The following ABCC2 variants were observed in gnomAD, a reference collection of about 807,000 sequenced individuals.
ABCC2 encodes the protein ATP-binding cassette sub-family C member 2.
ABCC2 carries 157 observed loss-of-function variants against 173.4 expected under a neutral mutation model. The observed-to-expected ratio is 0.91, with a 90% CI of 0.80 to 1.03. The LOEUF is 1.03. Among genes scored for constraint, ABCC2 ranks in the 50% least tolerant of loss-of-function variants. The pLI is 0.00. For synonymous variants in ABCC2, 657 were observed against 693.5 expected (o/e 0.95, Z 0.83); for missense variants, 1,822 against 1,852.3 (o/e 0.98, Z 0.30).
At chr10:99,803,658 G>T (rs2038048085) in intron 9 of ABCC2, among the ~76,000 whole-genome samples, 1 of 152,018 alleles carries the variant, frequency 6.6e-6, no homozygotes, top group East Asian at 1.9e-4. Context: ...AATGACAAAG[G>T]TAAGCTCAGG....
chr10:99,793,663 C>T lies in ABCC2; in HGVS notation c.446C>T (p.Thr149Ile), dbSNP rs765756613. The T allele has an allele frequency of 1.2e-6, 2 of 1,614,090 alleles. No homozygotes were observed. Among genetic ancestry groups the T allele is most frequent in the South Asian group, 2.2e-5 (2 of 91,070 alleles). ...CTCTGTGGCACTTTCCAATTTCAGA[C>T]TCTGATCCGGACACTCTTACAGGTA... Reference protein sequence around the residue: ...SILCGTFQFQTLIRTLLQGDN... With the variant: ...SILCGTFQFQILIRTLLQGDN... The change falls in exon 4 of 32, where the codon ACT becomes ATT. Residue 149 changes from threonine (T) to isoleucine (I), a missense_variant. Transcript: ENST00000647814.
chr10:99,850,704 C>A lies in ABCC2; in HGVS notation c.4416C>A (p.Asp1472Glu). The A allele has an allele frequency of 6.2e-7, 1 of 1,614,202 alleles. No homozygotes were observed. Among genetic ancestry groups the A allele is most frequent in the African/African-American group, 1.3e-5 (1 of 75,044 alleles). ...EATAAVDLET[D>E]NLIQTTIQNE... Reference sequence around the variant, plus strand: ...CTGCTGCGGTGGATCTAGAGACAGACAACCTCATTCAGACGACCATCCAAA... The same window carrying A: ...CTGCTGCGGTGGATCTAGAGACAGAAAACCTCATTCAGACGACCATCCAAA... The change falls in exon 31 of 32, where the codon GAC becomes GAA. Residue 1472 changes from aspartate to glutamate, a missense_variant. Physicochemically the swap from Asp to Glu is conservative, Grantham distance 45 (BLOSUM62 2). Transcript: ENST00000647814.
chr10:99,836,417 A>C (rs2038825604), intron 25 of ABCC2, 127 bp downstream of exon 25: 1 of 991,292 alleles, frequency 1.0e-6, no homozygotes, highest in Non-Finnish European at 1.6e-6. Context: ...CTGTCATGCT[A>C]TGTAAGTGGA....
intron 6 of ABCC2, among the ~76,000 whole-genome samples, chr10:99,796,247 G>C (rs1358506388): frequency 6.6e-6 from 1 of 152,134 alleles, no homozygotes; most frequent in Non-Finnish European, 1.5e-5. Context: ...GTTCACGCCT[G>C]TAATCTCAGC....
In ABCC2 at chr10:99,819,698, T is replaced by C. The variant is rs79035237; in HGVS notation, c.2620+429T>C. On this transcript the variant is annotated intron_variant, in intron 19 of 31. Coordinates refer to ENST00000647814, the MANE Select transcript of ABCC2 (RefSeq NM_000392.5). Reference sequence around the variant, plus strand: ...GCTTCATGGGCTGGCACTATTAGTGTACTGCTAAATTCTTGGTAGATCCTA... The same window carrying C: ...GCTTCATGGGCTGGCACTATTAGTGCACTGCTAAATTCTTGGTAGATCCTA... 9.9e-3 allele frequency among the ~76,000 whole-genome samples: 1,501 copies of C among 152,352 alleles called. 22 individuals are homozygous for C. Among genetic ancestry groups the C allele is most frequent in the Middle Eastern group, 0.041 (12 of 294 alleles).
At position 99,818,926 on chromosome 10, in the gene ABCC2, T is replaced by C. The variant is rs148835620; in HGVS notation, c.2408T>C (p.Val803Ala). Reference protein sequence around the residue: ...AHVGKHIFNKVLGPNGLLKGK... With the variant: ...AHVGKHIFNKALGPNGLLKGK... ...GTAGGAAAACATATTTTTAATAAGGTCTTGGGCCCCAATGGCCTGTTGAAA... is the reference window on the plus strand; with the variant it reads ...GTAGGAAAACATATTTTTAATAAGGCCTTGGGCCCCAATGGCCTGTTGAAA... Residue 803 changes from valine to alanine, a missense_variant, in exon 18 of 32, where the codon GTC becomes GCC. By Grantham distance (64) the Val-to-Ala change is moderately conservative. Coordinates refer to ENST00000647814, the MANE Select transcript of ABCC2 (RefSeq NM_000392.5). 6.3e-5 allele frequency: 102 copies of C among 1,614,100 alleles called. No homozygotes were observed. In the African/African-American group the frequency reaches 1.1e-3, roughly 17 times the overall value.
chr10:99,799,267 T>C lies in ABCC2; in HGVS notation c.928T>C (p.Leu310=). 1 of 1,614,182 alleles carries C rather than the reference T, an allele frequency of 6.2e-7. No individual in the cohort carries two copies. The highest frequency in any genetic ancestry group is 1.1e-5 in the South Asian group (1 of 91,082). The change falls in exon 8 of 32, where the codon TTG becomes CTG. Residue 310 remains leucine (L), a synonymous_variant. Transcript: ENST00000647814. ...CAAAAAAGATGTTCCAAAATCCTGG[T>C]TGATGAAGGCTCTGTTCAAAACTTT... ...GTKKDVPKSW[L]MKALFKTFYM...
intron 25 of ABCC2, among the ~76,000 whole-genome samples, chr10:99,840,772 C>T (rs1343278552): frequency 6.6e-6 from 1 of 152,250 alleles, no homozygotes; most frequent in Non-Finnish European, 1.5e-5. Flanking sequence ...GCCTCAGCCT[C>T]CCAAAGCGCT....
intron 19 of ABCC2, among the ~76,000 whole-genome samples, chr10:99,825,757 G>A (rs1481032021): frequency 6.6e-6 from 1 of 152,198 alleles, no homozygotes; most frequent in African/African-American, 2.4e-5. Context: ...ATACCTCTGT[G>A]GGGATTTTTT....
chr10:99,813,170 C>T (rs747981569), intron 16 of ABCC2, 26 bp downstream of exon 16: 38 of 1,611,064 alleles, frequency 2.4e-5, no homozygotes, highest in Non-Finnish European at 4.2e-6. Flanking sequence ...AATGCAAAAG[C>T]CTCTGACTCC....
Position 99,832,132 on chromosome 10 carries a change from G to GT in ABCC2, c.3258+2dup, listed in dbSNP as rs1564695910. On this transcript the variant is annotated splice_donor_variant, in intron 23 of 31. Transcript: ENST00000647814. LOFTEE classifies it high-confidence loss of function. ...CCGGATTGTGAACAGGTTTGCCGGC[G>GT]TAAGTATCTCAAGAACTGTCAGGTG... The GT allele has an allele frequency of 1.2e-6, 2 of 1,614,156 alleles. No homozygotes were observed. Among genetic ancestry groups the GT allele is most frequent in the Admixed American group, 1.7e-5 (1 of 60,024 alleles).
At position 99,817,485 on chromosome 10, in the gene ABCC2, G is replaced by A. The variant is rs2038442840; in HGVS notation, c.2271+1G>A. ...AGATTTGGCTGAGATTGGAGAGAAG[G>A]TACTTGGGATAACAAGGGATCTTCA... On this transcript the variant is annotated splice_donor_variant, in intron 17 of 31. Transcript: ENST00000647814. LOFTEE classifies it high-confidence loss of function. 1 of 1,614,118 alleles carries A rather than the reference G, an allele frequency of 6.2e-7. No individual in the cohort carries two copies. The highest frequency in any genetic ancestry group is 8.5e-7 in the Non-Finnish European group (1 of 1,179,988).
At chr10:99,813,217 G>A in intron 16 of ABCC2, 73 bp downstream of exon 16, 1 of 1,565,664 alleles carries the variant, frequency 6.4e-7, no homozygotes, top group Non-Finnish European at 8.7e-7. Context: ...CCTCACTGGG[G>A]AGAAGGCACT....
chr10:99,786,605 G>A (rs750110149), intron 2 of ABCC2, among the ~76,000 whole-genome samples: 2 of 152,210 alleles, frequency 1.3e-5, no homozygotes, highest in East Asian at 1.9e-4. Context: ...TGTGGCTCAC[G>A]CCTGTAATCC....
intron 9 of ABCC2, among the ~76,000 whole-genome samples, chr10:99,803,627 A>G (rs2038047637): frequency 6.6e-6 from 1 of 152,214 alleles, no homozygotes; most frequent in African/African-American, 2.4e-5. Flanking sequence ...CAAAGTAATT[A>G]TGGTTCATTG....
At chr10:99,830,958 C>A in intron 21 of ABCC2, 107 bp downstream of exon 21, 1 of 1,265,680 alleles carries the variant, frequency 7.9e-7, no homozygotes, top group Non-Finnish European at 1.1e-6. Context: ...GCAATATGTC[C>A]TCTGTCCTTT....
intron 26 of ABCC2, 135 bp downstream of exon 26, chr10:99,842,228 T>C: frequency 7.9e-7 from 1 of 1,269,656 alleles, no homozygotes. Context: ...GTTCAAACCC[T>C]GGCTCCATCT....
intron 30 of ABCC2, 31 bp downstream of exon 30, chr10:99,847,158 GC>G: frequency 6.2e-7 from 1 of 1,613,446 alleles, no homozygotes; most frequent in Non-Finnish European, 8.5e-7. Flanking sequence ...ACCCCTGCAG[GC>G]AATGAGAGGA....
intron 25 of ABCC2, among the ~76,000 whole-genome samples, chr10:99,841,400 A>C (rs1316031770): frequency 6.6e-6 from 1 of 152,060 alleles, no homozygotes; most frequent in Non-Finnish European, 1.5e-5. Context: ...AAAAAATACA[A>C]AAAAATTAGC....
Sources: allele counts gnomAD v4.1 joint callset (sites outside exome capture counted in the v4.1 genomes callset), GRCh38; gene constraint gnomAD v4.1.1; transcripts MANE v1.5; gene names NCBI Gene and HGNC (gene_info 2026-07-23, HGNC 2026-07-21).